The following ABLIM1 variants were observed in gnomAD, a reference collection of about 807,000 sequenced individuals.
The protein encoded by ABLIM1 is actin-binding LIM protein 1.
In ABLIM1, 40 loss-of-function variants were observed where a neutral mutation model predicts 107.0. That is an observed-to-expected ratio of 0.37 (90% CI 0.29 to 0.49). The LOEUF (loss-of-function observed/expected upper bound fraction) is 0.49. Ranked by LOEUF, ABLIM1 falls within the 20% of genes least tolerant of loss-of-function variation. The pLI is 0.97. For missense variants in ABLIM1, 857 were observed against 1,008.5 expected (o/e 0.85, Z 2.04); for synonymous variants, 357 against 357.3 (o/e 1.00, Z 0.01).
chr10:114,697,029 G>A (rs2081209062), intron 1 of ABLIM1, among the ~76,000 whole-genome samples: 1 of 152,100 alleles, frequency 6.6e-6, no homozygotes, highest in African/African-American at 2.4e-5. Context: ...GGTTCAATAA[G>A]AACTAGAATT....
chr10:114,692,666 C>A (rs1332352998), intron 1 of ABLIM1, among the ~76,000 whole-genome samples: 1 of 152,118 alleles, frequency 6.6e-6, no homozygotes, highest in Non-Finnish European at 1.5e-5. Flanking sequence ...CCAAGGCGGG[C>A]AGATCACAAG....
chr10:114,690,492 C>T, intron 1 of ABLIM1: 1 of 1,546,656 alleles, frequency 6.5e-7, no homozygotes, highest in East Asian at 2.2e-5. Context: ...AAAGCGGGAG[C>T]CCTTACAACC....
rs200600399 is a variant in ABLIM1, at chr10:114,575,478, G to C, written c.501C>G (p.Gly167=). ...RCHGCGEFVE[G]EVVTALGKTY... ...TCTTGCCCAGAGCAGTCACCACTTCGCCCTCCACGAACTCCCCACAGCCAT... is the reference window on the plus strand; with the variant it reads ...TCTTGCCCAGAGCAGTCACCACTTCCCCCTCCACGAACTCCCCACAGCCAT... Residue 167 remains glycine (G), a synonymous_variant, in exon 3 of 23, where the codon GGC becomes GGG. Transcript: ENST00000533213. 1 of 1,614,018 alleles carries C rather than the reference G, an allele frequency of 6.2e-7. No individual in the cohort carries two copies. Among genetic ancestry groups the C allele is most frequent in the Non-Finnish European group, 8.5e-7 (1 of 1,180,030 alleles).
At chr10:114,746,451 T>C (rs904534534) in intron 1 of ABLIM1, among the ~76,000 whole-genome samples, 1 of 152,256 alleles carries the variant, frequency 6.6e-6, no homozygotes, top group Non-Finnish European at 1.5e-5. Context: ...AGTATTCTAT[T>C]ATGTACGTAT....
chr10:114,749,447 A>AC (rs61170828), intron 1 of ABLIM1, among the ~76,000 whole-genome samples: 71 of 96,978 alleles, frequency 7.3e-4, no homozygotes, highest in South Asian at 1.5e-3. Context: ...AACAACACAC[A>AC]CACCACACAC....
At chr10:114,759,308 G>A (rs1591953571) in intron 1 of ABLIM1, among the ~76,000 whole-genome samples, 1 of 152,168 alleles carries the variant, frequency 6.6e-6, no homozygotes, top group East Asian at 1.9e-4. Context: ...AGTAGGTTGT[G>A]AGTCCAAAGA....
chr10:114,613,501 C>T (rs956267783), intron 1 of ABLIM1, among the ~76,000 whole-genome samples: 5 of 152,318 alleles, frequency 3.3e-5, no homozygotes, highest in African/African-American at 4.8e-5. Context: ...AAACATTTAC[C>T]GGCACACCAT....
the ABLIM1 span, among the ~76,000 whole-genome samples, chr10:114,776,816 C>T: frequency 1.3e-5 from 2 of 152,126 alleles, no homozygotes; most frequent in African/African-American, 4.8e-5. Context: ...CAGGGTCCAA[C>T]TATGTTGCCT....
intron 4 of ABLIM1, among the ~76,000 whole-genome samples, chr10:114,562,251 C>T (rs115915791): frequency 0.057 from 8,740 of 152,178 alleles, 346 homozygotes; most frequent in African/African-American, 0.11. Context: ...ATGTTTTGGC[C>T]AGGCGCGGTG....
intron 1 of ABLIM1, among the ~76,000 whole-genome samples, chr10:114,677,406 G>A (rs987645356): frequency 6.6e-6 from 1 of 152,154 alleles, no homozygotes; most frequent in Non-Finnish European, 1.5e-5. Context: ...TCTTATCCAA[G>A]GAGCATTCTG....
intron 2 of ABLIM1, among the ~76,000 whole-genome samples, chr10:114,588,099 C>A (rs2074393057): frequency 6.6e-6 from 1 of 152,160 alleles, no homozygotes; most frequent in Non-Finnish European, 1.5e-5. Context: ...AGAATTTATG[C>A]TATGCCCCTA....
At chr10:114,577,851 T>C (rs1222073018) in intron 2 of ABLIM1, among the ~76,000 whole-genome samples, 1 of 152,160 alleles carries the variant, frequency 6.6e-6, no homozygotes, top group Non-Finnish European at 1.5e-5. Context: ...CAGGTGTTCC[T>C]AAAGGCATAT....
intron 14 of ABLIM1, 140 bp downstream of exon 14, chr10:114,451,484 T>G (rs1039355112): frequency 1.4e-5 from 11 of 804,762 alleles, no homozygotes; most frequent in South Asian, 1.2e-4. Context: ...TACATCTTAG[T>G]AGACCAGAAA....
rs554453103 is a variant in ABLIM1, at chr10:114,514,551, A to T, written c.895-22673T>A. Among the ~76,000 whole-genome samples, 270 of 151,654 alleles carry T rather than the reference A, an allele frequency of 1.8e-3. 1 individual carries two copies. Among genetic ancestry groups the T allele is most frequent in the East Asian group, 9.5e-3 (49 of 5,132 alleles). On this transcript the variant is annotated intron_variant, in intron 6 of 22. Transcript: ENST00000533213. ...CACCATACCCAACTAATTTAAAAAA[A>T]TTTTTTTTGTAGAGACAGGGTCTCC...
the ABLIM1 span, among the ~76,000 whole-genome samples, chr10:114,794,429 CTGAA>C: frequency 6.5e-3 from 991 of 152,192 alleles, 6 homozygotes; most frequent in Middle Eastern, 6.8e-3. Flanking sequence ...GTAAGTTTTG[CTGAA>C]TGAATGAATG....
At position 114,600,045 on chromosome 10, in the gene ABLIM1, T is replaced by C. The variant is rs116634890; in HGVS notation, c.379+1782A>G. Among the ~76,000 whole-genome samples, 1,251 of 152,260 alleles carry C rather than the reference T, an allele frequency of 8.2e-3. 14 individuals carry two copies. The highest frequency in any genetic ancestry group is 0.028 in the African/African-American group (1,153 of 41,546). On this transcript the variant is annotated intron_variant, in intron 2 of 22. Coordinates refer to ENST00000533213, the MANE Select transcript of ABLIM1 (RefSeq NM_002313.7). The stretch of plus-strand genomic sequence containing the variant: ...TCTATATTAATATACAATTATCTGG[T>C]ATATGGAACCTGCAAACTTCAGACC...
At chr10:114,488,915 G>A (rs1295729198) in intron 7 of ABLIM1, among the ~76,000 whole-genome samples, 1 of 152,154 alleles carries the variant, frequency 6.6e-6, no homozygotes, top group African/African-American at 2.4e-5. Flanking sequence ...CACTTAAGAA[G>A]ACTTAAGAAA....
intron 6 of ABLIM1, among the ~76,000 whole-genome samples, chr10:114,535,059 C>G (rs1476755597): frequency 1.3e-5 from 2 of 152,140 alleles, no homozygotes; most frequent in Non-Finnish European, 1.5e-5. Flanking sequence ...GGGTCAATTC[C>G]CAACCTGATA....
chr10:114,541,858 T>C (rs950362257), intron 6 of ABLIM1, among the ~76,000 whole-genome samples: 3 of 152,038 alleles, frequency 2.0e-5, no homozygotes, highest in African/African-American at 7.3e-5. Context: ...TTATTTTAGA[T>C]TTTCTTCCCC....
Sources: gnomAD v4.1 joint callset for allele counts (sites outside exome capture counted in the v4.1 genomes callset) on GRCh38, gnomAD v4.1.1 for gene constraint, MANE v1.5 for transcripts, NCBI Gene and HGNC (gene_info 2026-07-23, HGNC 2026-07-21) for gene names.